ZNF385D: variants seen among roughly 807,000 people sequenced by gnomAD.
The protein encoded by ZNF385D is zinc finger protein 385D, also known as zinc finger protein 659.
ZNF385D carries 15 observed loss-of-function variants against 35.8 expected under a neutral mutation model. The observed-to-expected ratio is 0.42, with a 90% confidence interval of 0.28 to 0.64. The LOEUF (loss-of-function observed/expected upper bound fraction) is 0.64, where lower values mean the gene tolerates loss of function less well. Among genes scored for constraint, ZNF385D ranks in the 30% least tolerant of loss-of-function variants. ZNF385D has a pLI of 0.23. For missense variants in ZNF385D, 474 were observed against 494.6 expected (o/e 0.96, Z 0.39); for synonymous variants, 212 against 186.8 (o/e 1.13, Z -1.10).
At chr3:21,447,903 A>T (rs779792388) in intron 4 of ZNF385D, among the ~76,000 whole-genome samples, 1 of 152,162 alleles carries the variant, frequency 6.6e-6, no homozygotes, top group Non-Finnish European at 1.5e-5. Context: ...TGTCTTGAAG[A>T]TAAGAAAACA....
intron 2 of ZNF385D, among the ~76,000 whole-genome samples, chr3:22,221,119 G>A (rs923104726): frequency 4.6e-5 from 7 of 151,932 alleles, no homozygotes; most frequent in South Asian, 2.1e-4. Flanking sequence ...GTATGTGTGC[G>A]AGTGTGTGTG....
intron 3 of ZNF385D, among the ~76,000 whole-genome samples, chr3:22,085,995 T>C (rs1701016470): frequency 6.6e-6 from 1 of 152,160 alleles, no homozygotes; most frequent in Admixed American, 6.5e-5. Context: ...TTCGACAAAA[T>C]TCAACAACAC....
intron 3 of ZNF385D, among the ~76,000 whole-genome samples, chr3:21,865,763 C>T (rs1291303): frequency 0.23 from 34,993 of 152,016 alleles, 4,317 homozygotes; most frequent in Middle Eastern, 0.41. Flanking sequence ...GAAATACCAA[C>T]ATACCTGAAA....
chr3:21,802,224 A>G (rs1878010), intron 3 of ZNF385D, among the ~76,000 whole-genome samples: 39,820 of 152,082 alleles, frequency 0.26, 5,464 homozygotes, highest in Middle Eastern at 0.33. Context: ...TACACTTGTG[A>G]ATAATTTAGT....
chr3:22,034,883 A>C (rs778562527), intron 3 of ZNF385D, among the ~76,000 whole-genome samples: 2 of 152,220 alleles, frequency 1.3e-5, no homozygotes, highest in Non-Finnish European at 2.9e-5. Context: ...AATATCTAAA[A>C]GTCAGCCCGG....
At chr3:22,336,160 A>C (rs1161198161) in intron 2 of ZNF385D, among the ~76,000 whole-genome samples, 1 of 152,100 alleles carries the variant, frequency 6.6e-6, no homozygotes, top group Non-Finnish European at 1.5e-5. Flanking sequence ...CTCACATGGT[A>C]AAACTGTTAA....
chr3:22,137,851 A>G (rs1479075454), intron 3 of ZNF385D, among the ~76,000 whole-genome samples: 2 of 151,956 alleles, frequency 1.3e-5, no homozygotes, highest in African/African-American at 4.8e-5. Context: ...AATAAAGGGT[A>G]TTCAATTAGG....
At chr3:21,728,291 A>AATG (rs1178651789) in intron 1 of ZNF385D, among the ~76,000 whole-genome samples, 2 of 149,718 alleles carry the variant, frequency 1.3e-5, no homozygotes, top group Admixed American at 6.7e-5. Flanking sequence ...TAATAATAAT[A>AATG]ATAATAATAA....
chr3:21,495,186 A>C (rs989013458), intron 4 of ZNF385D, among the ~76,000 whole-genome samples: 1 of 152,132 alleles, frequency 6.6e-6, no homozygotes, highest in Non-Finnish European at 1.5e-5. Context: ...GAGTTCCATC[A>C]GTCAGACTCA....
chr3:22,344,365 C>G (rs190467059), intron 2 of ZNF385D, among the ~76,000 whole-genome samples: 1 of 152,062 alleles, frequency 6.6e-6, no homozygotes, highest in East Asian at 1.9e-4. Context: ...ATTACCTTTG[C>G]TTTAAATAGG....
chr3:21,785,264 TTA>T (rs140811629), intron 3 of ZNF385D, among the ~76,000 whole-genome samples: 21 of 151,792 alleles, frequency 1.4e-4, no homozygotes, highest in African/African-American at 4.8e-4. Context: ...CCATTAAAAA[TTA>T]TATATATATA....
Position 22,305,251 on chromosome 3 carries a change from T to A in ZNF385D, c.106+67199A>T, listed in dbSNP as rs74684710. On this transcript the variant is annotated intron_variant, in intron 2 of 5. Coordinates refer to the ZNF385D transcript ENST00000494108. ...TTCTCCTATTTATCTCCTTAACATT[T>A]ATCTGCTACTAGAGTAGTATGCTAC... 9.0e-3 allele frequency among the ~76,000 whole-genome samples: 1,369 copies of A among 152,316 alleles called. 19 individuals carry two copies. The highest frequency in any genetic ancestry group is 0.03 in the African/African-American group (1,234 of 41,582).
intron 2 of ZNF385D, among the ~76,000 whole-genome samples, chr3:22,177,255 A>G (rs1484184054): frequency 1.3e-5 from 2 of 152,132 alleles, no homozygotes; most frequent in African/African-American, 2.4e-5. Context: ...AATGCACCAA[A>G]TATCTTTGTG....
intron 1 of ZNF385D, among the ~76,000 whole-genome samples, chr3:21,712,289 G>A (rs1303255585): frequency 6.6e-6 from 1 of 152,106 alleles, no homozygotes; most frequent in Non-Finnish European, 1.5e-5. Flanking sequence ...AGGAATCTGA[G>A]ACCCATGTTA....
intron 3 of ZNF385D, among the ~76,000 whole-genome samples, chr3:21,962,691 A>T (rs1017694036): frequency 2.6e-5 from 4 of 152,180 alleles, no homozygotes; most frequent in Admixed American, 6.5e-5. Flanking sequence ...GAGGTGTCCA[A>T]TTCTCTGTGG....
intron 2 of ZNF385D, among the ~76,000 whole-genome samples, chr3:22,352,355 C>T (rs1420757959): frequency 6.6e-6 from 1 of 152,176 alleles, no homozygotes; most frequent in African/African-American, 2.4e-5. Context: ...GCATTTTAGG[C>T]AGTTTAGATC....
chr3:21,718,432 C>T (rs535698732), intron 1 of ZNF385D, among the ~76,000 whole-genome samples: 1 of 152,184 alleles, frequency 6.6e-6, no homozygotes, highest in Admixed American at 6.5e-5. Context: ...CTGTAGCCAC[C>T]AGCCAACAAG....
intron 2 of ZNF385D, among the ~76,000 whole-genome samples, chr3:22,275,206 A>T (rs772342648): frequency 6.6e-6 from 1 of 152,134 alleles, no homozygotes; most frequent in Non-Finnish European, 1.5e-5. Context: ...CTGTGGTATT[A>T]ATCAGAGTGA....
intron 3 of ZNF385D, among the ~76,000 whole-genome samples, chr3:21,800,927 T>A (rs1181256692): frequency 6.6e-6 from 1 of 152,198 alleles, no homozygotes; most frequent in African/African-American, 2.4e-5. Context: ...TTCCTGATTT[T>A]AGGAAGAAAG....
Sources: gnomAD v4.1 joint callset for allele counts (sites outside exome capture counted in the v4.1 genomes callset) on GRCh38, gnomAD v4.1.1 for gene constraint, MANE v1.5 for transcripts, NCBI Gene and HGNC (gene_info 2026-07-23, HGNC 2026-07-21) for gene names.